Variants in NRXN2 observed in about 807,000 individuals in gnomAD.
NRXN2 encodes the protein neurexin-2-beta.
NRXN2 carries 29 observed loss-of-function variants against 128.8 expected under a neutral mutation model. The observed-to-expected ratio is 0.23, with a 90% confidence interval of 0.17 to 0.31. The LOEUF (loss-of-function observed/expected upper bound fraction) is 0.31. NRXN2 is among the 10% of genes least tolerant of loss of function. NRXN2 has a pLI of 1.00. For synonymous variants in NRXN2, 1,098 were observed against 1,075.2 expected (o/e 1.02, Z -0.41); for missense variants, 1,881 against 2,452.6 (o/e 0.77, Z 4.92).
Position 64,692,848 on chromosome 11 carries a change from T to A in NRXN2, c.777A>T (p.Glu259Asp). 1 of 1,612,936 alleles carries A rather than the reference T, an allele frequency of 6.2e-7. No homozygotes were observed. The highest frequency in any genetic ancestry group is 8.5e-7 in the Non-Finnish European group (1 of 1,179,834). Residue 259 changes from glutamate to aspartate, a missense_variant and splice_region_variant, in exon 4 of 23, where the codon GAA becomes GAT. Transcript: ENST00000265459. ...EGPAHLTLNS[E>D]VGSLLFSEGG... ...CCAAACCAAAACTTCAAACCATACCTTCGCTGTTTAACGTCAGGTGAGCCG... is the reference window on the plus strand; with the variant it reads ...CCAAACCAAAACTTCAAACCATACCATCGCTGTTTAACGTCAGGTGAGCCG...
chr11:64,638,095 G>A (rs1388026832), intron 17 of NRXN2, among the ~76,000 whole-genome samples: 2 of 152,122 alleles, frequency 1.3e-5, no homozygotes, highest in African/African-American at 2.4e-5. Context: ...AGGGAAGGCG[G>A]CCCCAGGACA....
At chr11:64,687,472 C>A (rs1271856177) in intron 5 of NRXN2, among the ~76,000 whole-genome samples, 2 of 152,250 alleles carry the variant, frequency 1.3e-5, no homozygotes. Context: ...GCACTCACTG[C>A]AGCTGGCAAG....
intron 6 of NRXN2, among the ~76,000 whole-genome samples, chr11:64,678,460 T>C (rs1330301332): frequency 1.3e-5 from 2 of 152,124 alleles, no homozygotes; most frequent in African/African-American, 4.8e-5. Flanking sequence ...TCCTTTCATG[T>C]ACACCCATAA....
intron 6 of NRXN2, among the ~76,000 whole-genome samples, chr11:64,683,568 C>A (rs1157478117): frequency 6.7e-6 from 1 of 149,702 alleles, no homozygotes; most frequent in South Asian, 2.1e-4. Context: ...TGGAGTGAGC[C>A]GAGATCACGC....
chr11:64,655,755 A>G (rs1374889078), intron 11 of NRXN2, among the ~76,000 whole-genome samples: 1 of 152,180 alleles, frequency 6.6e-6, no homozygotes, highest in Non-Finnish European at 1.5e-5. Context: ...TTGCAAGAGC[A>G]AACGACTTGA....
chr11:64,719,142 C>T (rs928926708), intron 1 of NRXN2, among the ~76,000 whole-genome samples: 19 of 152,198 alleles, frequency 1.2e-4, no homozygotes, highest in African/African-American at 4.3e-4. Flanking sequence ...TTTTTTAAAA[C>T]TTCTCATCTC....
rs766647382 is a variant in NRXN2, at chr11:64,685,790, G to A, written c.1008C>T (p.Tyr336=). The change falls in exon 6 of 23, where the codon TAC becomes TAT. Residue 336 remains tyrosine, a synonymous_variant. Transcript: ENST00000265459. ...CCCCAGACTTGAGGGACAGGTTGAC[G>A]TAGTCGGCCGACTTGCCTGTATGCA... ...LMLHTGKSAD[Y]VNLSLKSGAV... 12 of 1,614,110 alleles carry A rather than the reference G, an allele frequency of 7.4e-6. No individual in the cohort carries two copies. The highest frequency in any genetic ancestry group is 4.4e-5 in the South Asian group (4 of 91,094).
In NRXN2 at chr11:64,696,620, G is replaced by C. The variant is rs926010590; in HGVS notation, c.748+1155C>G. ...CCCCAGGGAAAAGAGACATCCAAGA[G>C]AGACAAGTCAGACCATGGACATCAC... On this transcript the variant is annotated intron_variant, in intron 3 of 22. Transcript: ENST00000265459. 2.6e-5 allele frequency among the ~76,000 whole-genome samples: 4 copies of C among 151,832 alleles called. 1 individual carries two copies. Among genetic ancestry groups the C allele is most frequent in the Admixed American group, 2.0e-4 (3 of 15,266 alleles).
At chr11:64,690,871 G>T (rs1001405940) in intron 4 of NRXN2, among the ~76,000 whole-genome samples, 2 of 152,052 alleles carry the variant, frequency 1.3e-5, no homozygotes, top group African/African-American at 4.8e-5. Flanking sequence ...CCTCCATGAG[G>T]CACATTCTCC....
chr11:64,671,784 A>C (rs918663257), intron 7 of NRXN2, among the ~76,000 whole-genome samples: 1 of 152,030 alleles, frequency 6.6e-6, no homozygotes, highest in Non-Finnish European at 1.5e-5. Context: ...ACTAGGACAG[A>C]GACACTTATG....
chr11:64,715,769 T>C (rs896768761), intron 1 of NRXN2, among the ~76,000 whole-genome samples: 4 of 152,042 alleles, frequency 2.6e-5, no homozygotes, highest in African/African-American at 9.7e-5. Context: ...GGGGAGGAGA[T>C]CCAGGCAAGC....
At chr11:64,694,581 G>A (rs1194080081) in intron 3 of NRXN2, among the ~76,000 whole-genome samples, 2 of 152,150 alleles carry the variant, frequency 1.3e-5, no homozygotes, top group South Asian at 2.1e-4. Context: ...GCCGCTGAGG[G>A]CAGCCTCAGG....
chr11:64,667,109 G>GT lies in NRXN2; in HGVS notation c.1798+140dup, dbSNP rs2049982656. On this transcript the variant is annotated intron_variant, in intron 9 of 22. Coordinates refer to ENST00000265459, the MANE Select transcript of NRXN2 (RefSeq NM_015080.4). This position sits in a 1 kb window ranked among gnomAD's most constrained non-coding sequence, Gnocchi z 5.6. ...TGACAGAAAGGACAATTGGGAAGAC[G>GT]TGAGGGGGGTGGAGGAGAAGCGGCA... The GT allele has an allele frequency of 1.2e-6, 1 of 856,480 alleles. No homozygotes were observed. Among genetic ancestry groups the GT allele is most frequent in the Non-Finnish European group, 1.9e-6 (1 of 528,598 alleles). The allele number at this position is 856,480 out of a possible 1,614,324, so 53.1% of individuals were successfully genotyped here. A position where few individuals can be genotyped will look rare whatever the true frequency, so the allele number is the denominator to read the frequency against.
chr11:64,651,933 A>C lies in NRXN2; in HGVS notation c.2536+102T>G. ...AATGGCAGAGGCAGCTTGCCAGAAC[A>C]CTGCCCTAGGAATGGCAGCCCAGGC... On this transcript the variant is annotated intron_variant, in intron 13 of 22. Transcript: ENST00000265459. This position sits in a 1 kb window ranked among gnomAD's most constrained non-coding sequence, Gnocchi z 5.9. 6.4e-7 allele frequency: 1 copy of C among 1,550,744 alleles called. No individual in the cohort carries two copies. Among genetic ancestry groups the C allele is most frequent in the South Asian group, 1.1e-5 (1 of 89,732 alleles).
At chr11:64,689,897 T>C (rs1053537309) in intron 5 of NRXN2, among the ~76,000 whole-genome samples, 2 of 152,218 alleles carry the variant, frequency 1.3e-5, no homozygotes, top group African/African-American at 4.8e-5. Flanking sequence ...GGACTTGTTA[T>C]AGTGGCTTGT....
intron 17 of NRXN2, among the ~76,000 whole-genome samples, chr11:64,647,374 C>T (rs1178305283): frequency 1.3e-5 from 2 of 152,036 alleles, no homozygotes; most frequent in Admixed American, 1.3e-4. Context: ...CCAGCCCCAT[C>T]ATCCAAGGGA....
intron 2 of NRXN2, among the ~76,000 whole-genome samples, chr11:64,712,225 T>G (rs1257207278): frequency 7.8e-6 from 1 of 128,970 alleles, no homozygotes; most frequent in African/African-American, 3.0e-5. Context: ...CCGCCCACAC[T>G]GGCCTTCCAC....
chr11:64,682,382 G>T (rs1424708519), intron 6 of NRXN2, among the ~76,000 whole-genome samples: 2 of 151,026 alleles, frequency 1.3e-5, no homozygotes, highest in East Asian at 3.9e-4. Context: ...TGCATCTTTA[G>T]GGGACTCCAT....
chr11:64,667,475 C>T lies in NRXN2; in HGVS notation c.1573G>A (p.Glu525Lys), dbSNP rs1047822230. The change falls in exon 9 of 23, where the codon GAG (glutamate) becomes AAG (lysine). Residue 525 changes from glutamate to lysine, a missense_variant. This residue lies in a region of NRXN2 where 997 missense variants were observed against 1,240.8 expected (regional missense o/e 0.80). Coordinates refer to ENST00000265459, the MANE Select transcript of NRXN2 (RefSeq NM_015080.4). This position sits in a 1 kb window ranked among gnomAD's most constrained non-coding sequence, Gnocchi z 5.6. ...CTGAAGAGCAGCAGCCCATTGGGCT[C>T]GGTGGTGCGGAAGTCTAGGGAGATG... ...GSISLDFRTT[E>K]PNGLLLFSQG... 2 of 1,614,044 alleles carry T rather than the reference C, an allele frequency of 1.2e-6. No individual in the cohort carries two copies. The highest frequency in any genetic ancestry group is 1.7e-6 in the Non-Finnish European group (2 of 1,180,012).
Sources: allele counts gnomAD v4.1 joint callset (sites outside exome capture counted in the v4.1 genomes callset), GRCh38; gene constraint gnomAD v4.1.1; regional missense constraint gnomAD v4.1.1; non-coding constraint Gnocchi (gnomAD v3.1); transcripts MANE v1.5; gene names NCBI Gene and HGNC (gene_info 2026-07-23, HGNC 2026-07-21).